Variants in NGEF observed in about 807,000 individuals in gnomAD.
NGEF encodes the protein ephexin-1.
A neutral mutation model predicts 80.9 loss-of-function variants in NGEF; 31 were observed. The ratio of observed to expected loss-of-function variants is 0.38; its 90% confidence interval spans 0.29 to 0.52. The LOEUF is 0.52. Among genes scored for constraint, NGEF ranks in the 20% least tolerant of loss-of-function variants. The probability of loss-of-function intolerance (pLI) is 0.84; values close to 1 mark genes in which losing one functional copy is unlikely to be tolerated. For missense variants in NGEF, 709 were observed against 926.2 expected (o/e 0.77, Z 3.04); for synonymous variants, 371 against 370.2 (o/e 1.00, Z -0.03).
intron 6 of NGEF, 63 bp downstream of exon 6, chr2:232,894,693 C>G: frequency 1.4e-6 from 2 of 1,435,332 alleles, no homozygotes; most frequent in Non-Finnish European, 1.9e-6. Flanking sequence ...ATCAGTGTCT[C>G]AAGCATGTGC....
chr2:232,879,546 G>A lies in NGEF; in HGVS notation c.2076C>T (p.Asp692=). 1 of 1,613,890 alleles carries A rather than the reference G, an allele frequency of 6.2e-7. No homozygotes were observed. The change falls in exon 15 of 15, where the codon GAC becomes GAT. Residue 692 remains aspartate, a synonymous_variant. Coordinates refer to ENST00000264051, the MANE Select transcript of NGEF (RefSeq NM_019850.3). ...KECFRVHKMD[D]PQRSQNKDRR... ...GGTCCTTGTTCTGGCTGCGCTGAGG[G>A]TCATCCATCTTGTGGACACGGAAAC...
chr2:232,956,635 C>T (rs1366143061), intron 3 of NGEF, among the ~76,000 whole-genome samples: 2 of 152,068 alleles, frequency 1.3e-5, no homozygotes, highest in Admixed American at 6.5e-5. Context: ...GGGATGATGG[C>T]AGGTGCCTGT....
intron 5 of NGEF, among the ~76,000 whole-genome samples, chr2:232,917,821 C>T (rs1338825712): frequency 6.6e-6 from 1 of 151,766 alleles, no homozygotes; most frequent in South Asian, 2.1e-4. Context: ...TCACCCAGGC[C>T]GGAGGGCAGT....
chr2:232,928,822 C>T (rs1218130451), intron 3 of NGEF, among the ~76,000 whole-genome samples: 1 of 152,250 alleles, frequency 6.6e-6, no homozygotes, highest in Non-Finnish European at 1.5e-5. Context: ...TCCTGGGTTG[C>T]CCTGCCCGGT....
intron 3 of NGEF, among the ~76,000 whole-genome samples, chr2:232,947,340 T>C (rs1483935861): frequency 1.3e-5 from 2 of 152,140 alleles, no homozygotes; most frequent in Non-Finnish European, 2.9e-5. Flanking sequence ...AACTCCCAGT[T>C]TGAAGGAGAC....
rs758285407 is a variant in NGEF, at chr2:232,970,297, C to T, written c.300G>A (p.Glu100=). 44 of 1,603,640 alleles carry T rather than the reference C, an allele frequency of 2.7e-5. 1 individual carries two copies. The highest frequency in any genetic ancestry group is 3.5e-5 in the Non-Finnish European group (41 of 1,176,454). The change falls in exon 3 of 15, where the codon GAG becomes GAA. Residue 100 remains glutamate (E), a synonymous_variant. Coordinates refer to ENST00000264051, the MANE Select transcript of NGEF (RefSeq NM_019850.3). The part of the protein sequence containing the change: ...DSQDNGKSVN[E]PLTLNIPWSR... The stretch of plus-strand genomic sequence containing the variant: ...TCCAGGGGATATTCAAGGTCAGGGG[C>T]TCATTTACAGATTTTCCATTGTCCT...
chr2:232,895,897 T>C (rs534694012), intron 5 of NGEF, among the ~76,000 whole-genome samples: 7 of 152,222 alleles, frequency 4.6e-5, no homozygotes. Context: ...TATCACCTGA[T>C]TGCTGAGCCT....
intron 3 of NGEF, among the ~76,000 whole-genome samples, chr2:232,948,147 A>ATGTGTGTG (rs375640068): frequency 0.04 from 5,642 of 141,542 alleles, 130 homozygotes; most frequent in Non-Finnish European, 0.052. Flanking sequence ...TAGCCTGGAG[A>ATGTGTGTG]TGTGTGTGTG....
rs578229050 is a variant in NGEF at position 232,888,524 on chromosome 2, C to T, written c.1273-417G>A. Among the ~76,000 whole-genome samples the T allele has an allele frequency of 4.9e-3, 663 of 135,870 alleles. 5 individuals are homozygous for T. The highest frequency in any genetic ancestry group is 0.017 in the African/African-American group (604 of 35,580). The allele number at this position is 135,870 out of a possible 152,430, so 89.1% of individuals were successfully genotyped here. A position where few individuals can be genotyped will look rare whatever the true frequency, so the allele number is the denominator to read the frequency against. On this transcript the variant is annotated intron_variant, in intron 8 of 14. Transcript: ENST00000264051. ...ACAAACATGCATACAAGCATGTGTG[C>T]GCACACATACATGCATGCACATACA... is the stretch of plus-strand genomic sequence containing the variant.
At position 232,927,852 on chromosome 2, in the gene NGEF, G is replaced by A. The variant is rs1280156835; in HGVS notation, c.384-666C>T. The A allele has an allele frequency of 1.7e-5, 21 of 1,222,622 alleles. 1 individual carries two copies. Among genetic ancestry groups the A allele is most frequent in the Non-Finnish European group, 2.2e-5 (21 of 972,774 alleles). 75.7% of individuals were successfully genotyped at this position (1,222,622 alleles called of 1,614,324 possible). ...GGCGCAAGCTGGGAAAGAGGCACGC[G>A]GGGGCGGCGCGCCGGGGCCGGGACA... is the stretch of plus-strand genomic sequence containing the variant. On this transcript the variant is annotated intron_variant, in intron 3 of 14. Transcript: ENST00000264051.
At chr2:233,010,694 A>G (rs1033674253) in intron 1 of NGEF, among the ~76,000 whole-genome samples, 2 of 152,178 alleles carry the variant, frequency 1.3e-5, no homozygotes, top group African/African-American at 4.8e-5. Flanking sequence ...AAAGCAGCCC[A>G]CAGAGGGTGC....
intron 4 of NGEF, among the ~76,000 whole-genome samples, chr2:232,922,591 G>A (rs1192667980): frequency 1.3e-5 from 2 of 152,230 alleles, no homozygotes; most frequent in Admixed American, 6.5e-5. Context: ...TCAATAACGA[G>A]TATAAGGTAG....
intron 3 of NGEF, among the ~76,000 whole-genome samples, chr2:232,943,527 A>G (rs367836768): frequency 0.011 from 1,460 of 135,992 alleles, 24 homozygotes; most frequent in African/African-American, 0.034. Context: ...ACGGAGTCTC[A>G]CTCTGTCGCC....
chr2:232,897,900 C>G (rs546472822), intron 5 of NGEF, among the ~76,000 whole-genome samples: 21 of 152,348 alleles, frequency 1.4e-4, no homozygotes, highest in Admixed American at 2.6e-4. Flanking sequence ...GTGGCCTCTC[C>G]GTGGCCATCC....
At chr2:232,889,650 C>T (rs1355550963) in intron 8 of NGEF, among the ~76,000 whole-genome samples, 1 of 152,194 alleles carries the variant, frequency 6.6e-6, no homozygotes, top group African/African-American at 2.4e-5. Flanking sequence ...AAAAATATTT[C>T]CCACGGAACT....
intron 3 of NGEF, among the ~76,000 whole-genome samples, chr2:232,952,743 G>T (rs1301221724): frequency 7.0e-6 from 1 of 143,742 alleles, no homozygotes; most frequent in Admixed American, 7.0e-5. Flanking sequence ...CGAGGCAGGC[G>T]GATCACCTGA....
At chr2:232,950,440 G>A (rs1693653979) in intron 3 of NGEF, among the ~76,000 whole-genome samples, 1 of 152,122 alleles carries the variant, frequency 6.6e-6, no homozygotes, top group Non-Finnish European at 1.5e-5. Flanking sequence ...TGTGGCAGTG[G>A]GACCCCCCAC....
In NGEF at chr2:232,928,019, G is replaced by T. The variant is rs940010017; in HGVS notation, c.384-833C>A. The stretch of plus-strand genomic sequence containing the variant: ...CTCCATAGGGTCGGCGGCGGGGCGG[G>T]TGCGGGGGCCGGGTCGGGGGCCACG... On this transcript the variant is annotated intron_variant, in intron 3 of 14. Transcript: ENST00000264051. The T allele has an allele frequency of 7.5e-6, 9 of 1,206,238 alleles. No individual in the cohort carries two copies. In the African/African-American group the frequency reaches 1.3e-4, roughly 17 times the overall value. The allele number at this position is 1,206,238 out of a possible 1,614,324, so 74.7% of individuals were successfully genotyped here. A position where few individuals can be genotyped will look rare whatever the true frequency, so the allele number is the denominator to read the frequency against.
chr2:232,993,109 AT>A (rs1694685876), intron 1 of NGEF, among the ~76,000 whole-genome samples: 5 of 22,988 alleles, frequency 2.2e-4, no homozygotes, highest in Admixed American at 4.9e-4. Context: ...ATAAATAAAT[AT>A]ATATATATAA....
Sources: allele counts gnomAD v4.1 joint callset (sites outside exome capture counted in the v4.1 genomes callset), GRCh38; gene constraint gnomAD v4.1.1; transcripts MANE v1.5; gene names NCBI Gene and HGNC (gene_info 2026-07-23, HGNC 2026-07-21).